TSHZ2: variants seen among roughly 807,000 people sequenced by gnomAD.
TSHZ2 encodes teashirt zinc finger homeobox 2.
A neutral mutation model predicts 74.4 loss-of-function variants in TSHZ2; 21 were observed. That is an observed-to-expected ratio of 0.28 (90% CI 0.20 to 0.41). TSHZ2 has a LOEUF of 0.41. Ranked by LOEUF, TSHZ2 falls within the 10% of genes least tolerant of loss-of-function variation. The pLI, the probability that TSHZ2 is intolerant of heterozygous loss-of-function variation, is 1.00. For synonymous variants in TSHZ2, 540 were observed against 515.3 expected (o/e 1.05, Z -0.65); for missense variants, 1,244 against 1,293.5 (o/e 0.96, Z 0.59).
Position 53,480,132 on chromosome 20 carries a change from G to A in TSHZ2, c.*9-7012G>A, listed in dbSNP as rs187624376. On this transcript the variant is annotated intron_variant, in intron 2 of 2. Coordinates refer to ENST00000371497, the MANE Select transcript of TSHZ2 (RefSeq NM_173485.6). ...TGCCCAGGCTAGAGTGCAACGATGT[G>A]ATCTCGACTCACTGCAACCTCCACC... 3.7e-3 allele frequency among the ~76,000 whole-genome samples: 547 copies of A among 148,680 alleles called. 1 individual carries two copies. Among genetic ancestry groups the A allele is most frequent in the Non-Finnish European group, 5.4e-3 (367 of 67,464 alleles).
intron 1 of TSHZ2, among the ~76,000 whole-genome samples, chr20:53,016,720 C>T (rs1983051847): frequency 6.6e-6 from 1 of 152,198 alleles, no homozygotes; most frequent in Non-Finnish European, 1.5e-5. Context: ...GATTATGCTG[C>T]TGTAACAAAT....
chr20:53,348,619 G>C (rs1013599423), intron 2 of TSHZ2, among the ~76,000 whole-genome samples: 1 of 152,130 alleles, frequency 6.6e-6, no homozygotes, highest in African/African-American at 2.4e-5. Context: ...GAGGCGGGGA[G>C]GATCGCTGTA....
chr20:53,481,563 G>A (rs1434675354), intron 2 of TSHZ2, among the ~76,000 whole-genome samples: 2 of 151,596 alleles, frequency 1.3e-5, no homozygotes, highest in African/African-American at 2.4e-5. Context: ...GGGTGACAGA[G>A]TGAGACCCTG....
chr20:53,265,700 C>G (rs946891775), intron 2 of TSHZ2, among the ~76,000 whole-genome samples: 9 of 152,206 alleles, frequency 5.9e-5, no homozygotes, highest in Admixed American at 5.9e-4. Flanking sequence ...GTCTGGCCCA[C>G]CTGATGGTTT....
chr20:53,345,373 C>T (rs1252894144), intron 2 of TSHZ2, among the ~76,000 whole-genome samples: 1 of 151,982 alleles, frequency 6.6e-6, no homozygotes, highest in Non-Finnish European at 1.5e-5. Flanking sequence ...AGAAATGGGG[C>T]TAGGTGGGAA....
intron 2 of TSHZ2, among the ~76,000 whole-genome samples, chr20:53,384,832 A>T (rs546765274): frequency 6.6e-6 from 1 of 152,310 alleles, no homozygotes; most frequent in Non-Finnish European, 1.5e-5. Flanking sequence ...TTTAAAACAT[A>T]AAGGAGTCGG....
At chr20:53,401,821 T>C (rs1162210299) in intron 2 of TSHZ2, among the ~76,000 whole-genome samples, 4 of 148,012 alleles carry the variant, frequency 2.7e-5, no homozygotes, top group Non-Finnish European at 4.5e-5. Context: ...CTTGCTCTGT[T>C]GCCGAGGCTG....
chr20:52,985,132 C>A (rs1981706523), intron 1 of TSHZ2, among the ~76,000 whole-genome samples: 1 of 152,092 alleles, frequency 6.6e-6, no homozygotes. Context: ...TATTTCTCCA[C>A]CCCCATTAGA....
chr20:53,286,828 C>T (rs1251433523), intron 2 of TSHZ2, among the ~76,000 whole-genome samples: 1 of 151,140 alleles, frequency 6.6e-6, no homozygotes, highest in East Asian at 2.0e-4. Flanking sequence ...CTGCAGTGAG[C>T]TATGATTGTA....
intron 1 of TSHZ2, among the ~76,000 whole-genome samples, chr20:52,979,679 A>T (rs1981485948): frequency 6.6e-6 from 1 of 152,078 alleles, no homozygotes; most frequent in Non-Finnish European, 1.5e-5. Flanking sequence ...GCCTCCCTCA[A>T]TTTTTTACGT....
At chr20:53,436,307 T>C (rs1984062989) in intron 2 of TSHZ2, among the ~76,000 whole-genome samples, 1 of 152,140 alleles carries the variant, frequency 6.6e-6, no homozygotes, top group African/African-American at 2.4e-5. Context: ...ATGTGCCTTC[T>C]TTTCTTTTAT....
At chr20:53,461,791 A>G (rs996236619) in intron 2 of TSHZ2, among the ~76,000 whole-genome samples, 1 of 152,182 alleles carries the variant, frequency 6.6e-6, no homozygotes, top group Admixed American at 6.5e-5. Context: ...TTCTTCATTA[A>G]TTACTTCATG....
chr20:53,188,731 A>C (rs1055369266), intron 1 of TSHZ2, among the ~76,000 whole-genome samples: 2 of 152,164 alleles, frequency 1.3e-5, no homozygotes, highest in African/African-American at 4.8e-5. Context: ...AAACATTCAT[A>C]CTCTCATAAA....
At chr20:53,296,055 A>G (rs932965804) in intron 2 of TSHZ2, among the ~76,000 whole-genome samples, 2 of 146,642 alleles carry the variant, frequency 1.4e-5, no homozygotes, top group Non-Finnish European at 3.0e-5. Flanking sequence ...AAAAAAAAAA[A>G]TCCAGGCAGT....
At position 53,441,118 on chromosome 20, in the gene TSHZ2, G is replaced by A. The variant is rs534222541; in HGVS notation, c.*9-46026G>A. On this transcript the variant is annotated intron_variant, in intron 2 of 2. Transcript: ENST00000371497. The stretch of plus-strand genomic sequence containing the variant: ...GCATGGGAGACCTGAGTGGTGAGAA[G>A]CCAATCTTGAGAAGATCTGGAAAGT... 2.9e-3 allele frequency among the ~76,000 whole-genome samples: 435 copies of A among 152,274 alleles called. 1 individual carries two copies. The highest frequency in any genetic ancestry group is 4.6e-3 in the Non-Finnish European group (316 of 68,030).
intron 2 of TSHZ2, among the ~76,000 whole-genome samples, chr20:53,374,977 A>G (rs1483698690): frequency 6.6e-6 from 1 of 151,940 alleles, no homozygotes; most frequent in Non-Finnish European, 1.5e-5. Flanking sequence ...GTCATAATCC[A>G]TGAAACTATA....
chr20:53,333,804 T>G (rs1046015668), intron 2 of TSHZ2, among the ~76,000 whole-genome samples: 12 of 152,192 alleles, frequency 7.9e-5, no homozygotes, highest in African/African-American at 2.7e-4. Flanking sequence ...TTATGTTTCC[T>G]TCCTCCTAGG....
At chr20:53,211,131 A>C (rs1989294588) in intron 1 of TSHZ2, among the ~76,000 whole-genome samples, 1 of 152,176 alleles carries the variant, frequency 6.6e-6, no homozygotes. Context: ...ACATTACTTG[A>C]ATTGAGTCAT....
chr20:53,183,186 C>G (rs1988522098), intron 1 of TSHZ2, among the ~76,000 whole-genome samples: 1 of 152,178 alleles, frequency 6.6e-6, no homozygotes, highest in African/African-American at 2.4e-5. Context: ...CCATTCCCAC[C>G]CTGTGCTGAT....
Sources: allele counts gnomAD v4.1 joint callset (sites outside exome capture counted in the v4.1 genomes callset), GRCh38; gene constraint gnomAD v4.1.1; transcripts MANE v1.5; gene names NCBI Gene and HGNC (gene_info 2026-07-23, HGNC 2026-07-21).